CTNND2: variants seen among roughly 807,000 people sequenced by gnomAD.
CTNND2 encodes the protein catenin delta 2, also known as catenin delta-2.
A neutral mutation model predicts 144.4 loss-of-function variants in CTNND2; 22 were observed. The ratio of observed to expected loss-of-function variants is 0.15; its 90% confidence interval spans 0.11 to 0.22. The LOEUF is 0.22. Ranked by LOEUF, CTNND2 falls within the 10% of genes least tolerant of loss-of-function variation. The pLI, the probability that CTNND2 is intolerant of heterozygous loss-of-function variation, is 1.00. For synonymous variants in CTNND2, 751 were observed against 695.6 expected (o/e 1.08, Z -1.25); for missense variants, 1,353 against 1,618.8 (o/e 0.84, Z 2.82).
chr5:11,110,491 C>T (rs985937683), intron 14 of CTNND2, among the ~76,000 whole-genome samples: 21 of 152,192 alleles, frequency 1.4e-4, no homozygotes, highest in Non-Finnish European at 1.5e-5. Context: ...TCTTATACCA[C>T]ATCTCCTGTT....
intron 16 of CTNND2, among the ~76,000 whole-genome samples, chr5:11,079,855 A>C (rs1159094392): frequency 1.3e-5 from 2 of 152,214 alleles, no homozygotes; most frequent in Non-Finnish European, 2.9e-5. Flanking sequence ...TAAATGTAAG[A>C]CCTAAACTAT....
At chr5:11,328,854 G>A (rs1301946233) in intron 9 of CTNND2, among the ~76,000 whole-genome samples, 1 of 152,186 alleles carries the variant, frequency 6.6e-6, no homozygotes, top group African/African-American at 2.4e-5. Flanking sequence ...ACCCACTCAT[G>A]GCTCCAGACT....
chr5:11,391,876 T>C (rs1285547295), intron 6 of CTNND2, among the ~76,000 whole-genome samples: 2 of 152,174 alleles, frequency 1.3e-5, no homozygotes, highest in Non-Finnish European at 2.9e-5. Context: ...TGAAAGGTGG[T>C]GTCCACAACA....
intron 1 of CTNND2, among the ~76,000 whole-genome samples, chr5:11,748,949 C>T (rs1037459404): frequency 1.3e-5 from 2 of 151,966 alleles, no homozygotes; most frequent in African/African-American, 4.8e-5. Flanking sequence ...CTCAGACTTC[C>T]CTATTGATCT....
chr5:11,382,595 C>CTATG (rs1554046368), intron 7 of CTNND2, among the ~76,000 whole-genome samples: 1 of 130,148 alleles, frequency 7.7e-6, no homozygotes, highest in East Asian at 2.2e-4. Context: ...GAGTGAGACT[C>CTATG]TGTGTGTGTG....
chr5:11,342,063 T>TA (rs1754327124), intron 9 of CTNND2, among the ~76,000 whole-genome samples: 1 of 152,126 alleles, frequency 6.6e-6, no homozygotes, highest in African/African-American at 2.4e-5. Flanking sequence ...TTCAATTCAC[T>TA]ATATATGCAT....
intron 10 of CTNND2, among the ~76,000 whole-genome samples, chr5:11,207,814 C>G (rs1738210203): frequency 6.6e-6 from 1 of 152,132 alleles, no homozygotes; most frequent in Non-Finnish European, 1.5e-5. Context: ...ATTTTTAATC[C>G]ATAATAAAGT....
intron 3 of CTNND2, among the ~76,000 whole-genome samples, chr5:11,454,919 G>A (rs1765607272): frequency 6.7e-6 from 1 of 149,936 alleles, no homozygotes; most frequent in Non-Finnish European, 1.5e-5. Flanking sequence ...TTTCTTTCCA[G>A]AAGAGAAATC....
chr5:11,643,660 T>C (rs965366421), intron 2 of CTNND2, among the ~76,000 whole-genome samples: 12 of 152,092 alleles, frequency 7.9e-5, no homozygotes, highest in African/African-American at 2.7e-4. Flanking sequence ...AACAGAAACT[T>C]GTTACTGTGA....
chr5:11,519,008 A>AACACACAC lies in CTNND2; in HGVS notation c.287+45928_287+45935dup, dbSNP rs142163506. ...TTTCCCTATTTCCTCTCCCTATCTC[A>AACACACAC]ACACACACACACACACACACAAATT... is the stretch of plus-strand genomic sequence containing the variant. On this transcript the variant is annotated intron_variant, in intron 3 of 21. Transcript: ENST00000304623. Among the ~76,000 whole-genome samples the AACACACAC allele has an allele frequency of 4.3e-4, 64 of 147,670 alleles. 1 individual carries two copies. In the South Asian group the frequency reaches 4.9e-3, roughly 11 times the overall value.
intron 1 of CTNND2, among the ~76,000 whole-genome samples, chr5:11,883,615 G>A (rs566816922): frequency 1.3e-5 from 2 of 152,228 alleles, no homozygotes; most frequent in African/African-American, 4.8e-5. Flanking sequence ...AGTCTTTGCT[G>A]TTGCAAACAG....
intron 9 of CTNND2, among the ~76,000 whole-genome samples, chr5:11,273,219 GACC>G (rs1447662532): frequency 6.6e-6 from 1 of 152,118 alleles, no homozygotes; most frequent in Non-Finnish European, 1.5e-5. Context: ...AACATTTGCT[GACC>G]CAAGTATTTG....
chr5:11,507,212 A>G (rs1360703907), intron 3 of CTNND2, among the ~76,000 whole-genome samples: 2 of 152,184 alleles, frequency 1.3e-5, no homozygotes, highest in Non-Finnish European at 2.9e-5. Flanking sequence ...GTTCCTACAT[A>G]ATAATGGCTT....
At chr5:11,181,328 T>C (rs575908453) in intron 11 of CTNND2, among the ~76,000 whole-genome samples, 30 of 152,302 alleles carry the variant, frequency 2.0e-4, no homozygotes, top group African/African-American at 7.2e-4. Context: ...TGAGCCATTC[T>C]TTCTCTCTGG....
intron 3 of CTNND2, among the ~76,000 whole-genome samples, chr5:11,454,822 G>A (rs1432561437): frequency 6.6e-6 from 1 of 151,446 alleles, no homozygotes; most frequent in Non-Finnish European, 1.5e-5. Flanking sequence ...GGCTGGTCTC[G>A]AATTCCTGAG....
chr5:11,359,128 G>T (rs1756189957), intron 8 of CTNND2, among the ~76,000 whole-genome samples: 1 of 152,126 alleles, frequency 6.6e-6, no homozygotes, highest in Non-Finnish European at 1.5e-5. Context: ...CTGCTTAATA[G>T]ACTTTACCAC....
intron 12 of CTNND2, among the ~76,000 whole-genome samples, chr5:11,150,387 T>C (rs1263941245): frequency 6.6e-6 from 1 of 152,188 alleles, no homozygotes; most frequent in East Asian, 1.9e-4. Context: ...GAGCATAGAA[T>C]GGCACATGGA....
chr5:11,696,964 T>G (rs372824282), intron 2 of CTNND2, among the ~76,000 whole-genome samples: 1 of 152,286 alleles, frequency 6.6e-6, no homozygotes, highest in East Asian at 1.9e-4. Flanking sequence ...TATCACACTA[T>G]CCATGCTATT....
At chr5:11,025,362 C>CA in intron 16 of CTNND2, among the ~76,000 whole-genome samples, 1 of 118,452 alleles carries the variant, frequency 8.4e-6, no homozygotes, top group African/African-American at 4.0e-5. Context: ...ATTTGGGTAG[C>CA]AAAAAAAGAT....
Sources: allele counts gnomAD v4.1 joint callset (sites outside exome capture counted in the v4.1 genomes callset), GRCh38; gene constraint gnomAD v4.1.1; transcripts MANE v1.5; gene names NCBI Gene and HGNC (gene_info 2026-07-23, HGNC 2026-07-21).